Variants in CAMK2D observed in about 807,000 individuals in gnomAD.
CAMK2D encodes calcium/calmodulin dependent protein kinase II delta.
In CAMK2D, 37 loss-of-function variants were observed where a neutral mutation model predicts 84.0. The observed-to-expected ratio is 0.44, with a 90% CI of 0.34 to 0.58. CAMK2D has a LOEUF of 0.58. CAMK2D is among the 20% of genes least tolerant of loss of function. The probability of loss-of-function intolerance (pLI) is 0.02; values close to 1 mark genes in which losing one functional copy is unlikely to be tolerated. For missense variants in CAMK2D, 448 were observed against 652.5 expected, an observed-to-expected ratio of 0.69 and a Z score of 3.41; for synonymous variants, 202 against 212.5, an observed-to-expected ratio of 0.95 and a Z score of 0.43.
At chr4:113,670,972 C>T (rs540017385) in intron 2 of CAMK2D, among the ~76,000 whole-genome samples, 1 of 151,976 alleles carries the variant, frequency 6.6e-6, no homozygotes, top group South Asian at 2.1e-4. Context: ...CATCTTTTTC[C>T]AGTGGCCCCA....
intron 13 of CAMK2D, among the ~76,000 whole-genome samples, chr4:113,508,907 T>TAAAG (rs1489129851): frequency 6.6e-6 from 1 of 152,128 alleles, no homozygotes; most frequent in Non-Finnish European, 1.5e-5. Flanking sequence ...AGAAAAGGAT[T>TAAAG]AAAGAAATAA....
intron 17 of CAMK2D, among the ~76,000 whole-genome samples, chr4:113,463,348 T>C (rs1252870231): frequency 6.6e-6 from 1 of 152,194 alleles, no homozygotes; most frequent in Non-Finnish European, 1.5e-5. Flanking sequence ...TTGGCATGTT[T>C]CATTCCACTT....
intron 2 of CAMK2D, among the ~76,000 whole-genome samples, chr4:113,749,734 A>C (rs1007934778): frequency 3.3e-5 from 5 of 152,240 alleles, no homozygotes; most frequent in African/African-American, 1.2e-4. Flanking sequence ...ATGGTTTAAA[A>C]AAAGAGCAGC....
chr4:113,460,929 G>C (rs1367600428), intron 17 of CAMK2D, among the ~76,000 whole-genome samples: 3 of 152,056 alleles, frequency 2.0e-5, no homozygotes, highest in African/African-American at 4.8e-5. Flanking sequence ...AGGCACAAGT[G>C]ATCCTCCCAC....
intron 7 of CAMK2D, among the ~76,000 whole-genome samples, chr4:113,534,911 T>A (rs2098479512): frequency 6.6e-6 from 1 of 152,194 alleles, no homozygotes; most frequent in Admixed American, 6.5e-5. Flanking sequence ...ATATTCTGAT[T>A]CATAAAGTAA....
chr4:113,544,657 T>C (rs1437366903), intron 6 of CAMK2D, among the ~76,000 whole-genome samples: 2 of 152,200 alleles, frequency 1.3e-5, no homozygotes, highest in African/African-American at 2.4e-5. Context: ...TGGCATCTTT[T>C]ACCATTTTGC....
At chr4:113,537,314 T>A (rs947726249) in intron 7 of CAMK2D, 27 bp downstream of exon 7, 4 of 1,169,620 alleles carry the variant, frequency 3.4e-6, no homozygotes, top group Non-Finnish European at 5.1e-6. Flanking sequence ...AGACTATAGG[T>A]AGCATGAAGG....
At chr4:113,464,601 C>T (rs1056296624) in intron 17 of CAMK2D, among the ~76,000 whole-genome samples, 4 of 152,156 alleles carry the variant, frequency 2.6e-5, no homozygotes, top group African/African-American at 4.8e-5. Context: ...AAATTGAATG[C>T]TTTATTTTAA....
chr4:113,625,643 G>T (rs2099064636), intron 3 of CAMK2D, among the ~76,000 whole-genome samples: 1 of 152,110 alleles, frequency 6.6e-6, no homozygotes, highest in African/African-American at 2.4e-5. Flanking sequence ...GAAGGCAGTA[G>T]AAGATGAGAT....
chr4:113,537,979 C>T (rs143753597), intron 6 of CAMK2D, among the ~76,000 whole-genome samples: 213 of 152,182 alleles, frequency 1.4e-3, no homozygotes, highest in Non-Finnish European at 2.2e-3. Flanking sequence ...ATTTTGGAGA[C>T]TTACTCTGAA....
intron 8 of CAMK2D, among the ~76,000 whole-genome samples, chr4:113,527,721 T>TA (rs1338366106): frequency 6.6e-6 from 1 of 152,072 alleles, no homozygotes; most frequent in Non-Finnish European, 1.5e-5. Context: ...TTATACATTA[T>TA]AAAAAAAGGT....
At chr4:113,747,648 C>T (rs1014506161) in intron 2 of CAMK2D, among the ~76,000 whole-genome samples, 10 of 152,056 alleles carry the variant, frequency 6.6e-5, no homozygotes, top group South Asian at 2.1e-4. Flanking sequence ...ATTATCCTCC[C>T]GTCCTTTATT....
At chr4:113,628,853 T>C (rs2099077986) in intron 3 of CAMK2D, among the ~76,000 whole-genome samples, 2 of 152,038 alleles carry the variant, frequency 1.3e-5, no homozygotes, top group Non-Finnish European at 2.9e-5. Context: ...TTGAACTAAG[T>C]TGAAGGTTTG....
chr4:113,723,195 T>C (rs898968006), intron 2 of CAMK2D, among the ~76,000 whole-genome samples: 1 of 152,044 alleles, frequency 6.6e-6, no homozygotes, highest in Admixed American at 6.6e-5. Flanking sequence ...TTACTGAATA[T>C]TATTTCATGA....
At chr4:113,670,304 C>CAAAT (rs142000498) in intron 2 of CAMK2D, among the ~76,000 whole-genome samples, 20,727 of 151,342 alleles carry the variant, frequency 0.14, 1,727 homozygotes, top group African/African-American at 0.23. Context: ...AATAAACAAA[C>CAAAT]AAATAAATAA....
At chr4:113,525,089 T>TA (rs892224705) in intron 8 of CAMK2D, among the ~76,000 whole-genome samples, 5 of 152,160 alleles carry the variant, frequency 3.3e-5, no homozygotes, top group Non-Finnish European at 7.3e-5. Context: ...ATGAAAAGGT[T>TA]AAACCCCAGA....
At chr4:113,631,944 C>T (rs1383447903) in intron 3 of CAMK2D, among the ~76,000 whole-genome samples, 1 of 151,926 alleles carries the variant, frequency 6.6e-6, no homozygotes, top group Non-Finnish European at 1.5e-5. Context: ...ATAGGGACTC[C>T]AATGATGAAA....
intron 6 of CAMK2D, among the ~76,000 whole-genome samples, chr4:113,540,701 G>T (rs1403063629): frequency 1.3e-5 from 2 of 152,148 alleles, no homozygotes; most frequent in African/African-American, 4.8e-5. Flanking sequence ...GTCCTCTGTG[G>T]TGACAACATA....
chr4:113,683,175 C>T (rs183507377), intron 2 of CAMK2D, among the ~76,000 whole-genome samples: 353 of 152,284 alleles, frequency 2.3e-3, no homozygotes, highest in Non-Finnish European at 3.8e-3. Context: ...AATTGGTGAT[C>T]TCAACTCCAG....
Sources: gnomAD v4.1 joint callset for allele counts (sites outside exome capture counted in the v4.1 genomes callset) on GRCh38, gnomAD v4.1.1 for gene constraint, MANE v1.5 for transcripts, NCBI Gene and HGNC (gene_info 2026-07-23, HGNC 2026-07-21) for gene names.